Variants in ALPI observed in about 807,000 individuals in gnomAD.
ALPI encodes the protein alkaline phosphatase, intestinal, also known as intestinal-type alkaline phosphatase.
Under a neutral mutation model 51.5 loss-of-function variants are expected in ALPI, and 50 were observed. The ratio of observed to expected loss-of-function variants is 0.97; its 90% CI spans 0.77 to 1.23. The LOEUF (loss-of-function observed/expected upper bound fraction) is 1.23. ALPI is among the 50% of genes most tolerant of loss of function. The pLI is 0.00. For synonymous variants in ALPI, 322 were observed against 308.2 expected (o/e 1.04, Z -0.47); for missense variants, 692 against 722.4 (o/e 0.96, Z 0.48).
rs779020997 is a variant in ALPI, at chr2:232,456,652, C to T, written c.257C>T (p.Thr86Met). 47 of 1,611,644 alleles carry T rather than the reference C, an allele frequency of 2.9e-5. No individual in the cohort carries two copies. The highest frequency in any genetic ancestry group is 1.5e-4 in the African/African-American group (11 of 74,766). Residue 86 changes from threonine (T) to methionine (M), a missense_variant, in exon 3 of 11, where the codon ACG becomes ATG. Thr to Met is a moderately conservative substitution (Grantham distance 81, BLOSUM62 -1). Transcript: ENST00000295463. This position sits in a 1 kb window ranked among gnomAD's most constrained non-coding sequence, Gnocchi z 4.2. ...AAGAATGGCAAACTGGGGCCTGAGA[C>T]GCCCCTGGCCATGGACCGCTTCCCA... ...GQKNGKLGPE[T>M]PLAMDRFPYL...
chr2:232,457,707 G>A lies in ALPI; in HGVS notation c.783+8G>A, dbSNP rs114417218. 1.9e-3 allele frequency: 3,034 copies of A among 1,611,384 alleles called. 51 individuals are homozygous for A. The African/African-American group carries it at 0.036, about 19-fold the overall frequency. The stretch of plus-strand genomic sequence containing the variant: ...TGGCTGGCAAAGCACCAGGTGATGG[G>A]GGCTGGTGGGTGTGGGAGGCACGGC... On this transcript the variant is annotated splice_region_variant and intron_variant, in intron 6 of 10. Transcript: ENST00000295463. The surrounding 1 kb of genome is among the most constrained non-coding windows in gnomAD (Gnocchi z 4.7).
At position 232,460,664 on chromosome 2, in the gene ALPI, A is replaced by G. The variant is rs921171011; in HGVS notation, c.*1518A>G. ...TACATTTACAAAGGTGCAAAAAAGCATCTTGCTTTTGCAAGAAATAGTAAC... is the reference window on the plus strand; with the variant it reads ...TACATTTACAAAGGTGCAAAAAAGCGTCTTGCTTTTGCAAGAAATAGTAAC... On this transcript the variant is annotated 3_prime_UTR_variant, in exon 11 of 11. Transcript: ENST00000295463. Among the ~76,000 whole-genome samples, 3 of 152,266 alleles carry G rather than the reference A, an allele frequency of 2.0e-5. No homozygotes were observed. The highest frequency in any genetic ancestry group is 4.8e-5 in the African/African-American group (2 of 41,474).
chr2:232,459,258 C>A lies in ALPI; in HGVS notation c.*112C>A. 3 of 1,371,534 alleles carry A rather than the reference C, an allele frequency of 2.2e-6. No individual in the cohort carries two copies. The South Asian group carries it at 4.4e-5, about 20-fold the overall frequency. 85.0% of individuals were successfully genotyped at this position (1,371,534 alleles called of 1,614,324 possible). ...CACAGGTGTCCTGCCGTTGGACCTTCACCTCCTAGAGATAAACCAGCCTCA... is the reference window on the plus strand; with the variant it reads ...CACAGGTGTCCTGCCGTTGGACCTTAACCTCCTAGAGATAAACCAGCCTCA... On this transcript the variant is annotated 3_prime_UTR_variant, in exon 11 of 11. Transcript: ENST00000295463.
Position 232,457,291 on chromosome 2 carries a change from C to T in ALPI, c.617C>T (p.Ala206Val). 1 of 1,612,220 alleles carries T rather than the reference C, an allele frequency of 6.2e-7. No individual in the cohort carries two copies. The highest frequency in any genetic ancestry group is 8.5e-7 in the Non-Finnish European group (1 of 1,179,302). ...CGCCAGGAGGGGTGCCAGGACATCGCCACTCAGCTCATCTCCAACATGGAC... is the reference window on the plus strand; with the variant it reads ...CGCCAGGAGGGGTGCCAGGACATCGTCACTCAGCTCATCTCCAACATGGAC... ...SARQEGCQDI[A>V]TQLISNMDID... Residue 206 changes from alanine to valine, a missense_variant, in exon 5 of 11, where the codon GCC (alanine) becomes GTC (valine). Transcript: ENST00000295463. This position sits in a 1 kb window ranked among gnomAD's most constrained non-coding sequence, Gnocchi z 4.7.
Position 232,456,696 on chromosome 2 carries a change from G to A in ALPI, c.300+1G>A. 6.3e-7 allele frequency: 1 copy of A among 1,595,396 alleles called. No individual in the cohort carries two copies. Among genetic ancestry groups the A allele is most frequent in the African/African-American group, 1.3e-5 (1 of 74,638 alleles). On this transcript the variant is annotated splice_donor_variant, in intron 3 of 10. Coordinates refer to ENST00000295463, the MANE Select transcript of ALPI (RefSeq NM_001631.5). LOFTEE classifies it high-confidence loss of function. The surrounding 1 kb of genome is among the most constrained non-coding windows in gnomAD (Gnocchi z 4.2). ...CTTCCCATACCTGGCTCTGTCCAAG[G>A]TAAGGGCTGGGCCACCTCAGAGTCC...
rs901137805 is a variant in ALPI, at chr2:232,457,500, T to C, written c.649-65T>C. On this transcript the variant is annotated intron_variant, in intron 5 of 10. Coordinates refer to ENST00000295463, the MANE Select transcript of ALPI (RefSeq NM_001631.5). This position sits in a 1 kb window ranked among gnomAD's most constrained non-coding sequence, Gnocchi z 4.7. ...CCCTGGGGAGGGGAGCCAGGGGCTATGCATGAGGAGGGGGCACGGGGCCAG... is the reference window on the plus strand; with the variant it reads ...CCCTGGGGAGGGGAGCCAGGGGCTACGCATGAGGAGGGGGCACGGGGCCAG... The C allele has an allele frequency of 1.9e-6, 3 of 1,556,740 alleles. No homozygotes were observed. Among genetic ancestry groups the C allele is most frequent in the Non-Finnish European group, 2.6e-6 (3 of 1,152,436 alleles).
chr2:232,459,415 A>G lies in ALPI; in HGVS notation c.*269A>G. ...TTCTCTGATTCTTCCTCCCAACCCC[A>G]GAGACTGCAGATTTGTGCCATGCGG... On this transcript the variant is annotated 3_prime_UTR_variant, in exon 11 of 11. Coordinates refer to ENST00000295463, the MANE Select transcript of ALPI (RefSeq NM_001631.5). The G allele has an allele frequency of 2.0e-6, 1 of 496,634 alleles. No individual in the cohort carries two copies. The allele number at this position is 496,634 out of a possible 1,614,324, so 30.8% of individuals were successfully genotyped here. A position where few individuals can be genotyped will look rare whatever the true frequency, so the allele number is the denominator to read the frequency against.
Position 232,456,563 on chromosome 2 carries a change from C to A in ALPI, c.185-17C>A, listed in dbSNP as rs1188767743. On this transcript the variant is annotated splice_polypyrimidine_tract_variant and intron_variant, in intron 2 of 10. Transcript: ENST00000295463. This position sits in a 1 kb window ranked among gnomAD's most constrained non-coding sequence, Gnocchi z 4.2. ...ACAACCCTGGGGCCCAGGACTCACACATTTCTGCTCCTTCAGGGTTGGGGG... is the reference window on the plus strand; with the variant it reads ...ACAACCCTGGGGCCCAGGACTCACAAATTTCTGCTCCTTCAGGGTTGGGGG... 1.9e-6 allele frequency: 3 copies of A among 1,610,938 alleles called. No individual in the cohort carries two copies. The highest frequency in any genetic ancestry group is 4.5e-5 in the East Asian group (2 of 44,864).
In ALPI at chr2:232,458,904, G is replaced by C. The variant is rs1355266248; in HGVS notation, c.1345G>C (p.Glu449Gln). Residue 449 changes from glutamate to glutamine, a missense_variant, in exon 11 of 11, where the codon GAG becomes CAG. Glu to Gln is a conservative substitution (Grantham distance 29, BLOSUM62 2). Coordinates refer to ENST00000295463, the MANE Select transcript of ALPI (RefSeq NM_001631.5). ...GCAGGCGGCGGTGCCCCTGTCGTCC[G>C]AGACCCACGGAGGCGAAGACGTGGC... is the stretch of plus-strand genomic sequence containing the variant. The part of the protein sequence containing the change: ...QQQAAVPLSS[E>Q]THGGEDVAVF... 1 of 1,610,408 alleles carries C rather than the reference G, an allele frequency of 6.2e-7. No individual in the cohort carries two copies. Among genetic ancestry groups the C allele is most frequent in the Non-Finnish European group, 8.5e-7 (1 of 1,179,110 alleles).
rs1690206422 is a variant in ALPI at position 232,457,039 on chromosome 2, G to A, written c.441G>A (p.Glu147=). 2.7e-5 allele frequency: 44 copies of A among 1,613,466 alleles called. No individual in the cohort carries two copies. Among genetic ancestry groups the A allele is most frequent in the Non-Finnish European group, 3.6e-5 (43 of 1,180,020 alleles). Residue 147 remains glutamate, a synonymous_variant, in exon 4 of 11, where the codon GAG becomes GAA. Transcript: ENST00000295463. This position sits in a 1 kb window ranked among gnomAD's most constrained non-coding sequence, Gnocchi z 4.7. ...FNQCNTTRGN[E]VISVMNRAKQ... ...AGTGCAACACGACACGCGGCAATGA[G>A]GTCATCTCCGTGATGAACCGGGCCA... is the stretch of plus-strand genomic sequence containing the variant.
rs1373326361 is a variant in ALPI at position 232,456,812 on chromosome 2, T to G, written c.301-87T>G. 1 of 1,569,622 alleles carries G rather than the reference T, an allele frequency of 6.4e-7. No individual in the cohort carries two copies. The highest frequency in any genetic ancestry group is 1.4e-5 in the African/African-American group (1 of 73,596). ...GGCCTAAGTTAGGAGCTGGGAGCAG[T>G]TAGGATCCCAGAGGACCAGAACCAG... On this transcript the variant is annotated intron_variant, in intron 3 of 10. Coordinates refer to ENST00000295463, the MANE Select transcript of ALPI (RefSeq NM_001631.5). The surrounding 1 kb of genome is among the most constrained non-coding windows in gnomAD (Gnocchi z 4.2).
In ALPI at chr2:232,458,219, G is replaced by C; in HGVS notation, c.994G>C (p.Gly332Arg). 6.2e-7 allele frequency: 1 copy of C among 1,614,068 alleles called. No homozygotes were observed. Among genetic ancestry groups the C allele is most frequent in the Non-Finnish European group, 8.5e-7 (1 of 1,179,998 alleles). Residue 332 changes from glycine (G) to arginine (R), a missense_variant and splice_region_variant, in exon 9 of 11, where the codon GGC (glycine) becomes CGC (arginine). Coordinates refer to ENST00000295463, the MANE Select transcript of ALPI (RefSeq NM_001631.5). ...PRGFYLFVEG[G>R]RIDHGHHEGV... ...ACCCCCCTCTGGCCTTCCTGCAGGC[G>C]GCCGCATCGACCATGGTCATCATGA...
chr2:232,459,415 A>T lies in ALPI; in HGVS notation c.*269A>T. 1 of 496,634 alleles carries T rather than the reference A, an allele frequency of 2.0e-6. No individual in the cohort carries two copies. The highest frequency in any genetic ancestry group is 3.6e-6 in the Non-Finnish European group (1 of 277,636). 30.8% of individuals were successfully genotyped at this position (496,634 alleles called of 1,614,324 possible). On this transcript the variant is annotated 3_prime_UTR_variant, in exon 11 of 11. Transcript: ENST00000295463. ...TTCTCTGATTCTTCCTCCCAACCCC[A>T]GAGACTGCAGATTTGTGCCATGCGG...
chr2:232,457,359 G>A lies in ALPI; in HGVS notation c.648+37G>A. ...GGGCCAAGGGCTGGGGCTGGGCAGAGGGGAAGGTGGCACAGGCTCAGATCC... is the reference window on the plus strand; with the variant it reads ...GGGCCAAGGGCTGGGGCTGGGCAGAAGGGAAGGTGGCACAGGCTCAGATCC... On this transcript the variant is annotated intron_variant, in intron 5 of 10. Transcript: ENST00000295463. This position sits in a 1 kb window ranked among gnomAD's most constrained non-coding sequence, Gnocchi z 4.7. 1.3e-6 allele frequency: 2 copies of A among 1,574,842 alleles called. No homozygotes were observed. Among genetic ancestry groups the A allele is most frequent in the Non-Finnish European group, 1.7e-6 (2 of 1,160,232 alleles).
In ALPI at chr2:232,459,410, A is replaced by C. The variant is rs1575069479; in HGVS notation, c.*264A>C. 1.1e-5 allele frequency: 5 copies of C among 470,814 alleles called. No individual in the cohort carries two copies. Among genetic ancestry groups the C allele is most frequent in the South Asian group, 2.8e-5 (1 of 35,642 alleles). 29.2% of individuals were successfully genotyped at this position (470,814 alleles called of 1,614,324 possible). A position where few individuals can be genotyped will look rare whatever the true frequency, so the allele number is the denominator to read the frequency against. On this transcript the variant is annotated 3_prime_UTR_variant, in exon 11 of 11. Transcript: ENST00000295463. ...GGTTGTTCTCTGATTCTTCCTCCCA[A>C]CCCCAGAGACTGCAGATTTGTGCCA...
At position 232,457,886 on chromosome 2, in the gene ALPI, C is replaced by T; in HGVS notation, c.856+19C>T. 6.2e-7 allele frequency: 1 copy of T among 1,613,480 alleles called. No individual in the cohort carries two copies. The highest frequency in any genetic ancestry group is 8.5e-7 in the Non-Finnish European group (1 of 1,179,642). On this transcript the variant is annotated intron_variant, in intron 7 of 10. Coordinates refer to ENST00000295463, the MANE Select transcript of ALPI (RefSeq NM_001631.5). The surrounding 1 kb of genome is among the most constrained non-coding windows in gnomAD (Gnocchi z 4.7). ...CTCATGGGTAATGACCCCCTTCCTG[C>T]CCTGGCATTCCTCAGACAACCTCAG...
In ALPI at chr2:232,458,147, CT is replaced by C. The variant is rs1333798403; in HGVS notation, c.991+16del. 1.2e-6 allele frequency: 2 copies of C among 1,613,994 alleles called. No individual in the cohort carries two copies. Among genetic ancestry groups the C allele is most frequent in the Admixed American group, 1.7e-5 (1 of 60,010 alleles). On this transcript the variant is annotated intron_variant, in intron 8 of 10. Transcript: ENST00000295463. ...CTTTGTGGAGGGTGCGTGGTGGCCC[CT>C]GGGGAGTGGAGGAAGGCGGGGCGCG...
Position 232,457,505 on chromosome 2 carries a change from G to T in ALPI, c.649-60G>T, listed in dbSNP as rs1690218475. ...GGGAGGGGAGCCAGGGGCTATGCAT[G>T]AGGAGGGGGCACGGGGCCAGCCAGG... On this transcript the variant is annotated intron_variant, in intron 5 of 10. Transcript: ENST00000295463. The surrounding 1 kb of genome is among the most constrained non-coding windows in gnomAD (Gnocchi z 4.7). 3 of 1,559,484 alleles carry T rather than the reference G, an allele frequency of 1.9e-6. No individual in the cohort carries two copies. The highest frequency in any genetic ancestry group is 1.7e-6 in the Non-Finnish European group (2 of 1,153,686).
Position 232,456,900 on chromosome 2 carries a change from C to T in ALPI, c.302C>T (p.Thr101Ile). ...AGCTCAGGGTGTCTCCGTTCGCAGA[C>T]ATACAATGTGGACAGACAGGTGCCA... ...DRFPYLALSK[T>I]YNVDRQVPDS... Residue 101 changes from threonine to isoleucine, a missense_variant and splice_region_variant, in exon 4 of 11, where the codon ACA becomes ATA. By Grantham distance (89) the Thr-to-Ile change is moderately conservative (BLOSUM62 -1). Coordinates refer to ENST00000295463, the MANE Select transcript of ALPI (RefSeq NM_001631.5). This position sits in a 1 kb window ranked among gnomAD's most constrained non-coding sequence, Gnocchi z 4.2. The T allele has an allele frequency of 6.2e-7, 1 of 1,613,466 alleles. No homozygotes were observed. Among genetic ancestry groups the T allele is most frequent in the Non-Finnish European group, 8.5e-7 (1 of 1,180,020 alleles).
Sources: gnomAD v4.1 joint callset for allele counts (sites outside exome capture counted in the v4.1 genomes callset) on GRCh38, gnomAD v4.1.1 for gene constraint, Gnocchi (gnomAD v3.1) non-coding constraint, MANE v1.5 for transcripts, NCBI Gene and HGNC (gene_info 2026-07-23, HGNC 2026-07-21) for gene names.